The following PABPC4L variants were observed in gnomAD, a reference collection of about 807,000 sequenced individuals.
PABPC4L encodes poly(A) binding protein cytoplasmic 4 like.
For synonymous variants in PABPC4L, 169 were observed against 164.1 expected, an observed-to-expected ratio of 1.03 and a Z score of -0.23; for missense variants, 452 against 451.4, an observed-to-expected ratio of 1.00 and a Z score of -0.01.
chr4:133,969,061 C>A, the PABPC4L span, among the ~76,000 whole-genome samples: 1 of 152,024 alleles, frequency 6.6e-6, no homozygotes, highest in African/African-American at 2.4e-5. Flanking sequence ...CTGAGAGGGG[C>A]ACAGATTATA....
At chr4:134,138,408 A>C in the PABPC4L span, among the ~76,000 whole-genome samples, 2 of 151,904 alleles carry the variant, frequency 1.3e-5, no homozygotes. Context: ...TTGCAAAAAA[A>C]GAAAAACTTT....
the PABPC4L span, among the ~76,000 whole-genome samples, chr4:134,115,853 G>A: frequency 2.6e-5 from 4 of 151,654 alleles, no homozygotes; most frequent in Non-Finnish European, 4.4e-5. Flanking sequence ...TCACATCTGC[G>A]AATCTAGGGA....
At chr4:134,135,103 A>G in the PABPC4L span, among the ~76,000 whole-genome samples, 6 of 152,322 alleles carry the variant, frequency 3.9e-5, no homozygotes, top group Admixed American at 3.9e-4. Flanking sequence ...GAACCTCAAT[A>G]GATTAGGCTA....
At chr4:134,142,871 G>T in the PABPC4L span, among the ~76,000 whole-genome samples, 5 of 151,532 alleles carry the variant, frequency 3.3e-5, no homozygotes, top group South Asian at 8.3e-4. Flanking sequence ...CTAGCATAAA[G>T]CTTTTGCAAT....
the PABPC4L span, among the ~76,000 whole-genome samples, chr4:134,188,097 C>T: frequency 2.1e-4 from 31 of 151,020 alleles, no homozygotes; most frequent in African/African-American, 6.8e-4. Flanking sequence ...TTTAATTTTT[C>T]ATGTGTGTGT....
At chr4:133,971,789 G>A in the PABPC4L span, among the ~76,000 whole-genome samples, 22,914 of 151,996 alleles carry the variant, frequency 0.15, 2,157 homozygotes, top group African/African-American at 0.25. Context: ...ATTATGAACA[G>A]CATGCTTTTT....
chr4:134,062,688 A>G, the PABPC4L span, among the ~76,000 whole-genome samples: 7 of 152,146 alleles, frequency 4.6e-5, no homozygotes, highest in Non-Finnish European at 8.8e-5. Flanking sequence ...ATGATATTTT[A>G]CTATGCTATT....
chr4:134,118,277 A>T, the PABPC4L span, among the ~76,000 whole-genome samples: 1 of 151,872 alleles, frequency 6.6e-6, no homozygotes, highest in Non-Finnish European at 1.5e-5. Flanking sequence ...AAAGTCATGG[A>T]ACAATTCAGC....
chr4:134,015,409 G>A, the PABPC4L span, among the ~76,000 whole-genome samples: 4 of 151,984 alleles, frequency 2.6e-5, no homozygotes, highest in East Asian at 1.9e-4. Flanking sequence ...ATTCTGTTTC[G>A]GATCTCAAAC....
chr4:134,143,975 G>T, the PABPC4L span, among the ~76,000 whole-genome samples: 1 of 151,466 alleles, frequency 6.6e-6, no homozygotes, highest in African/African-American at 2.4e-5. Flanking sequence ...GTGCAAAATA[G>T]ATCTTCTGAT....
In PABPC4L at chr4:134,200,903, G is replaced by T. The variant is rs562410097; in HGVS notation, c.117C>A (p.Ile39=). The part of the protein sequence containing the change: ...KFSTVGPVLS[I]RICRDQVTRR... ...GGGTGACCTGGTCCCTGCAAATGCGGATGGACAGCACAGGCCCCACAGTGC... is the reference window on the plus strand; with the variant it reads ...GGGTGACCTGGTCCCTGCAAATGCGTATGGACAGCACAGGCCCCACAGTGC... The change falls in exon 2 of 2, where the codon ATC becomes ATA. Residue 39 remains isoleucine (I), a synonymous_variant. Coordinates refer to ENST00000421491, the MANE Select transcript of PABPC4L (RefSeq NM_001114734.2). 1.9e-6 allele frequency: 3 copies of T among 1,560,896 alleles called. No individual in the cohort carries two copies. The highest frequency in any genetic ancestry group is 2.4e-5 in the East Asian group (1 of 41,830).
At chr4:134,083,921 C>G in the PABPC4L span, among the ~76,000 whole-genome samples, 3 of 152,030 alleles carry the variant, frequency 2.0e-5, no homozygotes, top group Non-Finnish European at 2.9e-5. Context: ...TAAATTTATT[C>G]ATGTACATTT....
chr4:134,128,905 C>T, the PABPC4L span, among the ~76,000 whole-genome samples: 6 of 152,008 alleles, frequency 3.9e-5, no homozygotes, highest in African/African-American at 1.2e-4. Flanking sequence ...ACTCACCAAA[C>T]CAAGCATCTA....
At chr4:134,122,248 C>T in the PABPC4L span, among the ~76,000 whole-genome samples, 1 of 151,784 alleles carries the variant, frequency 6.6e-6, no homozygotes. Context: ...TTCCATTATA[C>T]TAAAATGATT....
the PABPC4L span, among the ~76,000 whole-genome samples, chr4:134,112,361 G>C: frequency 1.3e-5 from 2 of 151,676 alleles, no homozygotes; most frequent in African/African-American, 4.8e-5. Flanking sequence ...TATATTTTAC[G>C]GATGATTTTA....
At position 134,200,917 on chromosome 4, in the gene PABPC4L, G is replaced by T; in HGVS notation, c.103C>A (p.Pro35Thr). The T allele has an allele frequency of 6.4e-7, 1 of 1,560,744 alleles. No homozygotes were observed. Among genetic ancestry groups the T allele is most frequent in the Non-Finnish European group, 8.7e-7 (1 of 1,152,134 alleles). Residue 35 changes from proline to threonine, a missense_variant, in exon 2 of 2, where the codon CCT becomes ACT. Transcript: ENST00000421491. ...CTGCAAATGCGGATGGACAGCACAG[G>T]CCCCACAGTGCTGAACTTCCTGAAC... ...LLFRKFSTVG[P>T]VLSIRICRDQ... is the part of the protein sequence containing the mutation.
At chr4:134,060,180 C>T in the PABPC4L span, among the ~76,000 whole-genome samples, 2 of 152,052 alleles carry the variant, frequency 1.3e-5, no homozygotes, top group Non-Finnish European at 2.9e-5. Flanking sequence ...TGGCTCTTTC[C>T]AGCAGTCAGA....
chr4:134,146,229 C>T, the PABPC4L span, among the ~76,000 whole-genome samples: 1 of 151,634 alleles, frequency 6.6e-6, no homozygotes, highest in Non-Finnish European at 1.5e-5. Context: ...ATGAGAATAT[C>T]TATATTTCAA....
chr4:134,090,426 A>G, the PABPC4L span, among the ~76,000 whole-genome samples: 1 of 152,044 alleles, frequency 6.6e-6, no homozygotes, highest in African/African-American at 2.4e-5. Flanking sequence ...AATTGCTTTT[A>G]TATTTTTTCA....
Sources: allele counts gnomAD v4.1 joint callset (sites outside exome capture counted in the v4.1 genomes callset), GRCh38; gene constraint gnomAD v4.1.1; transcripts MANE v1.5; gene names NCBI Gene and HGNC (gene_info 2026-07-23, HGNC 2026-07-21).